PCDH11Y: variants seen among roughly 807,000 people sequenced by gnomAD.
The protein encoded by PCDH11Y is protocadherin 11 Y-linked.
For missense variants in PCDH11Y, 12 were observed against 224.8 expected (o/e 0.05, Z 6.05); for synonymous variants, 9 against 83.6 (o/e 0.11, Z 4.87).
At chrY:5,733,347 TCTTTCC>T (rs2053607091) in intron 4 of PCDH11Y, among the ~76,000 whole-genome samples, 1 of 32,882 alleles carries the variant, frequency 3.0e-5, no homozygotes, top group Non-Finnish European at 7.5e-5. Context: ...TTATTTTTTT[TCTTTCC>T]CTTTCCCTTT....
chrY:5,625,226 A>G, intron 4 of PCDH11Y, among the ~76,000 whole-genome samples: 1 of 31,850 alleles, frequency 3.1e-5, no homozygotes, highest in Non-Finnish European at 7.6e-5. Flanking sequence ...TATTTACCAG[A>G]TATGGGAACT....
exon 5 of PCDH11Y, chrY:5,740,418 T>G: frequency 3.1e-5 from 1 of 32,712 alleles, no homozygotes; most frequent in Non-Finnish European, 7.5e-5. Context: ...TATTACCCTT[T>G]CTAACTCTGA....
At chrY:5,232,940 G>A in intron 2 of PCDH11Y, among the ~76,000 whole-genome samples, 2 of 32,252 alleles carry the variant, frequency 6.2e-5, no homozygotes, top group Non-Finnish European at 1.5e-4. Flanking sequence ...AGCTGAATTT[G>A]CTCTGGTTTT....
At chrY:5,741,395 T>C in exon 5 of PCDH11Y, 1 of 32,217 alleles carries the variant, frequency 3.1e-5, no homozygotes, top group African/African-American at 1.2e-4. Flanking sequence ...TCAACATTAG[T>C]TTTTTTTGTT....
At chrY:5,030,379 C>T in intron 1 of PCDH11Y, among the ~76,000 whole-genome samples, 2 of 33,703 alleles carry the variant, frequency 5.9e-5, no homozygotes, top group African/African-American at 1.1e-4. Context: ...TTATAATTAA[C>T]GTATAAGGTT....
At chrY:5,545,030 ACTT>A (rs2053411607) in intron 3 of PCDH11Y, among the ~76,000 whole-genome samples, 1 of 32,251 alleles carries the variant, frequency 3.1e-5, no homozygotes. Flanking sequence ...AGGAAATACT[ACTT>A]CTAACTTGGC....
chrY:5,279,193 G>C, intron 2 of PCDH11Y, among the ~76,000 whole-genome samples: 2 of 30,853 alleles, frequency 6.5e-5, no homozygotes, highest in Non-Finnish European at 1.5e-4. Flanking sequence ...CTGAGGTCGG[G>C]AGTTCGAGGC....
At chrY:5,151,072 G>A (rs2052863925) in intron 2 of PCDH11Y, among the ~76,000 whole-genome samples, 3 of 33,568 alleles carry the variant, frequency 8.9e-5, no homozygotes, top group Non-Finnish European at 1.5e-4. Context: ...TGTAAACAAC[G>A]TAAGTGATAG....
At chrY:5,399,742 C>T in intron 2 of PCDH11Y, among the ~76,000 whole-genome samples, 1 of 31,143 alleles carries the variant, frequency 3.2e-5, no homozygotes, top group Non-Finnish European at 7.7e-5. Context: ...TCAGGTGATC[C>T]GCCCGCTTCG....
At chrY:5,211,821 T>C in intron 2 of PCDH11Y, among the ~76,000 whole-genome samples, 2 of 32,257 alleles carry the variant, frequency 6.2e-5, no homozygotes, top group Non-Finnish European at 1.5e-4. Flanking sequence ...TTTGTATTTT[T>C]AGTAGAAATG....
At chrY:5,589,281 G>C (rs2124698197) in intron 4 of PCDH11Y, among the ~76,000 whole-genome samples, 1 of 32,110 alleles carries the variant, frequency 3.1e-5, no homozygotes, top group African/African-American at 1.2e-4. Flanking sequence ...AGTCTCATGA[G>C]ATCTGATGGT....
At chrY:5,343,691 C>G (rs2053149182) in intron 2 of PCDH11Y, among the ~76,000 whole-genome samples, 258 of 31,322 alleles carry the variant, frequency 8.2e-3, no homozygotes, top group African/African-American at 0.03. Flanking sequence ...CATCATGGGT[C>G]ACTGCAGCCT....
intron 1 of PCDH11Y, among the ~76,000 whole-genome samples, chrY:5,066,275 T>C: frequency 3.3e-5 from 1 of 30,298 alleles, no homozygotes; most frequent in Admixed American, 3.2e-4. Flanking sequence ...AAGGGGAGCA[T>C]TGCTGTCAGT....
intron 2 of PCDH11Y, among the ~76,000 whole-genome samples, chrY:5,224,559 C>A: frequency 6.2e-5 from 2 of 32,072 alleles, no homozygotes; most frequent in Non-Finnish European, 1.5e-4. Context: ...TGGTGTTTCA[C>A]TATGTATGGG....
intron 2 of PCDH11Y, among the ~76,000 whole-genome samples, chrY:5,246,072 G>A (rs2052995279): frequency 3.2e-5 from 1 of 31,275 alleles, no homozygotes; most frequent in African/African-American, 1.3e-4. Flanking sequence ...TGAGAAATAC[G>A]GGGCAATGTA....
intron 4 of PCDH11Y, among the ~76,000 whole-genome samples, chrY:5,675,662 G>A: frequency 3.0e-5 from 1 of 33,612 alleles, no homozygotes; most frequent in Non-Finnish European, 7.4e-5. Flanking sequence ...AAAACCAAGA[G>A]GCTACAGAAC....
chrY:5,484,603 T>G (rs2124686150), intron 2 of PCDH11Y, among the ~76,000 whole-genome samples: 1 of 33,374 alleles, frequency 3.0e-5, no homozygotes, highest in South Asian at 6.8e-4. Flanking sequence ...GGCAAACTTT[T>G]GCCCTTACTC....
intron 2 of PCDH11Y, among the ~76,000 whole-genome samples, chrY:5,378,324 G>A: frequency 2.1e-4 from 6 of 29,205 alleles, no homozygotes; most frequent in Non-Finnish European, 4.0e-4. Flanking sequence ...CACACACAGA[G>A]AAGACAATCC....
intron 3 of PCDH11Y, among the ~76,000 whole-genome samples, chrY:5,512,477 C>CA (rs1271109296): frequency 0.14 from 2,353 of 16,930 alleles, no homozygotes; most frequent in African/African-American, 0.57. Flanking sequence ...GACTCCATGT[C>CA]AAAAAAAAAA....
Sources: allele counts gnomAD v4.1 joint callset (sites outside exome capture counted in the v4.1 genomes callset), GRCh38; gene constraint gnomAD v4.1.1; transcripts MANE v1.5; gene names NCBI Gene and HGNC (gene_info 2026-07-23, HGNC 2026-07-21).